Variants in GHR observed in about 807,000 individuals in gnomAD.
GHR encodes the protein growth hormone receptor.
A neutral mutation model predicts 67.1 loss-of-function variants in GHR; 35 were observed. The ratio of observed to expected loss-of-function variants is 0.52; its 90% CI spans 0.40 to 0.69. The LOEUF (loss-of-function observed/expected upper bound fraction) is 0.69, where lower values mean the gene tolerates loss of function less well. Ranked by LOEUF, GHR falls within the 30% of genes least tolerant of loss-of-function variation. GHR has a pLI of 0.00. For synonymous variants in GHR, 272 were observed against 269.1 expected (o/e 1.01, Z -0.10); for missense variants, 792 against 764.6 (o/e 1.04, Z -0.42).
chr5:42,691,852 T>C (rs1440324543), intron 4 of GHR, among the ~76,000 whole-genome samples: 1 of 152,238 alleles, frequency 6.6e-6, no homozygotes, highest in Non-Finnish European at 1.5e-5. Flanking sequence ...TAGTGCCAAA[T>C]TCAGCCTCTG....
chr5:42,677,933 T>C (rs1465006745), intron 3 of GHR, among the ~76,000 whole-genome samples: 1 of 152,156 alleles, frequency 6.6e-6, no homozygotes, highest in African/African-American at 2.4e-5. Context: ...GCAATGTTCA[T>C]CATTTGCTCT....
intron 3 of GHR, among the ~76,000 whole-genome samples, chr5:42,659,925 G>A (rs559528426): frequency 5.9e-5 from 9 of 151,814 alleles, no homozygotes; most frequent in African/African-American, 1.2e-4. Flanking sequence ...CTTTTCTGAC[G>A]GGCTTAAAAA....
intron 2 of GHR, among the ~76,000 whole-genome samples, chr5:42,603,530 T>C (rs1752482206): frequency 6.6e-6 from 1 of 152,224 alleles, no homozygotes; most frequent in Non-Finnish European, 1.5e-5. Flanking sequence ...TCTTTACTTC[T>C]CTTCATTCTT....
chr5:42,481,049 T>A (rs904132226), intron 1 of GHR, among the ~76,000 whole-genome samples: 1 of 152,118 alleles, frequency 6.6e-6, no homozygotes, highest in African/African-American at 2.4e-5. Context: ...CCATGTTTAG[T>A]GCTTCCTTCA....
intron 1 of GHR, among the ~76,000 whole-genome samples, chr5:42,474,914 C>T (rs138433593): frequency 1.9e-3 from 236 of 125,280 alleles, no homozygotes; most frequent in Admixed American, 3.4e-3. Flanking sequence ...AACAGAGTCT[C>T]GCTCTGTTGC....
chr5:42,591,642 C>T (rs546864342), intron 2 of GHR, among the ~76,000 whole-genome samples: 3 of 152,170 alleles, frequency 2.0e-5, no homozygotes, highest in Admixed American at 1.3e-4. Flanking sequence ...GTCTACCTCC[C>T]CTGTCTCCAG....
chr5:42,595,274 AT>A, intron 2 of GHR, among the ~76,000 whole-genome samples: 1 of 152,194 alleles, frequency 6.6e-6, no homozygotes, highest in East Asian at 1.9e-4. Context: ...ATACTGTTTC[AT>A]TTTATAATGA....
intron 1 of GHR, chr5:42,467,343 T>C (rs1275785147): frequency 9.5e-7 from 1 of 1,052,302 alleles, no homozygotes; most frequent in Admixed American, 1.7e-5. Flanking sequence ...CAATAAGATT[T>C]GCAATCTGCG....
intron 1 of GHR, among the ~76,000 whole-genome samples, chr5:42,435,337 A>C: frequency 6.6e-6 from 1 of 152,214 alleles, no homozygotes; most frequent in East Asian, 1.9e-4. Context: ...AATGAAAGAT[A>C]TATCTAGATG....
chr5:42,528,033 T>A (rs532357668), intron 1 of GHR, among the ~76,000 whole-genome samples: 1 of 152,196 alleles, frequency 6.6e-6, no homozygotes, highest in South Asian at 2.1e-4. Flanking sequence ...TTAGTCCTCA[T>A]TGAGAAAGCA....
chr5:42,492,847 G>C (rs930920653), intron 1 of GHR, among the ~76,000 whole-genome samples: 3 of 152,152 alleles, frequency 2.0e-5, no homozygotes, highest in Non-Finnish European at 4.4e-5. Flanking sequence ...AAGACCCAAA[G>C]CTCTGTTGCC....
intron 1 of GHR, among the ~76,000 whole-genome samples, chr5:42,450,328 C>G (rs1418395780): frequency 3.9e-5 from 6 of 151,928 alleles, no homozygotes; most frequent in Non-Finnish European, 8.8e-5. Context: ...GTCCAGAGTT[C>G]CTGTTTCTTC....
At chr5:42,471,908 A>G (rs1225316088) in intron 1 of GHR, among the ~76,000 whole-genome samples, 1 of 152,196 alleles carries the variant, frequency 6.6e-6, no homozygotes, top group Non-Finnish European at 1.5e-5. Context: ...ACTGATGAAA[A>G]ACAATCAACA....
chr5:42,677,529 C>T (rs917493686), intron 3 of GHR, among the ~76,000 whole-genome samples: 3 of 152,116 alleles, frequency 2.0e-5, no homozygotes, highest in African/African-American at 7.2e-5. Context: ...GCTTTGATAG[C>T]TGTGACTGTC....
At chr5:42,490,756 G>A (rs1226173425) in intron 1 of GHR, among the ~76,000 whole-genome samples, 1 of 152,202 alleles carries the variant, frequency 6.6e-6, no homozygotes, top group Non-Finnish European at 1.5e-5. Flanking sequence ...TATGTGTGCT[G>A]AAGTATAACT....
intron 6 of GHR, among the ~76,000 whole-genome samples, chr5:42,706,103 A>G (rs1269065328): frequency 6.6e-6 from 1 of 152,028 alleles, no homozygotes; most frequent in Non-Finnish European, 1.5e-5. Context: ...GCTGTGATGT[A>G]GTATCTCATT....
intron 1 of GHR, among the ~76,000 whole-genome samples, chr5:42,472,175 T>C (rs558749368): frequency 7.2e-5 from 11 of 152,294 alleles, no homozygotes; most frequent in Non-Finnish European, 1.0e-4. Context: ...TAAAATTCCA[T>C]CCCTTAAACA....
At position 42,424,728 on chromosome 5, in the gene GHR, GGA is replaced by G. The variant is rs1196264729; in HGVS notation, c.-12+777_-12+778del. The stretch of plus-strand genomic sequence containing the variant: ...GTCAATGGGGTGGCCGCGTGTCTAG[GGA>G]GAGGGCGCTGGCGGCGCAGAGGGTG... On this transcript the variant is annotated intron_variant, in intron 1 of 9. Coordinates refer to ENST00000230882, the MANE Select transcript of GHR (RefSeq NM_000163.5). The surrounding 1 kb of genome is among the most constrained non-coding windows in gnomAD (Gnocchi z 4.1). 9 of 980,100 alleles carry G rather than the reference GGA, an allele frequency of 9.2e-6. No individual in the cohort carries two copies. The highest frequency in any genetic ancestry group is 1.4e-5 in the Non-Finnish European group (9 of 639,514). The allele number at this position is 980,100 out of a possible 1,614,324, so 60.7% of individuals were successfully genotyped here.
intron 1 of GHR, among the ~76,000 whole-genome samples, chr5:42,563,272 TAAC>T (rs1001413054): frequency 6.6e-6 from 1 of 152,156 alleles, no homozygotes; most frequent in African/African-American, 2.4e-5. Flanking sequence ...TCTTGGGAGA[TAAC>T]AAGTAAAATT....
Sources: allele counts gnomAD v4.1 joint callset (sites outside exome capture counted in the v4.1 genomes callset), GRCh38; gene constraint gnomAD v4.1.1; non-coding constraint Gnocchi (gnomAD v3.1); transcripts MANE v1.5; gene names NCBI Gene and HGNC (gene_info 2026-07-23, HGNC 2026-07-21).